Variants in PLEKHG4 observed in about 807,000 individuals in gnomAD.
The protein encoded by PLEKHG4 is pleckstrin homology and RhoGEF domain containing G4.
Under a neutral mutation model 136.9 loss-of-function variants are expected in PLEKHG4, and 85 were observed. The observed-to-expected ratio is 0.62, with a 90% CI of 0.52 to 0.74. PLEKHG4 has a LOEUF of 0.74. Among genes scored for constraint, PLEKHG4 ranks in the 30% least tolerant of loss-of-function variants. The probability of loss-of-function intolerance (pLI) is 0.00; values close to 1 mark genes in which losing one functional copy is unlikely to be tolerated. For synonymous variants in PLEKHG4, 577 were observed against 646.9 expected (o/e 0.89, Z 1.64); for missense variants, 1,317 against 1,527.8 (o/e 0.86, Z 2.30).
intron 8 of PLEKHG4, 44 bp from the exon 9 acceptor site, chr16:67,282,157 T>C (rs1357603792): frequency 6.3e-7 from 1 of 1,596,308 alleles, no homozygotes; most frequent in African/African-American, 1.3e-5. Flanking sequence ...TCTCCCTCCT[T>C]CTCTCCCATG....
rs761837479 is a variant in PLEKHG4 at position 67,288,144 on chromosome 16, A to C, written c.3221-23A>C. ...CCAGGCTAGGCTCTGGCCTGTCCCA[A>C]CCTGACCCTCTCTCTTATGCAGAAG... On this transcript the variant is annotated intron_variant, in intron 19 of 21. Coordinates refer to ENST00000379344, the MANE Select transcript of PLEKHG4 (RefSeq NM_001129729.3). The C allele has an allele frequency of 5.6e-6, 9 of 1,606,252 alleles. No individual in the cohort carries two copies. The East Asian group carries it at 2.0e-4, about 36-fold the overall frequency.
chr16:67,277,647 T>C (rs1465981511), upstream of PLEKHG4: 1 of 152,420 alleles, frequency 6.6e-6, no homozygotes. Flanking sequence ...CTGTCTCCTT[T>C]CAGGCTGAGT....
At position 67,280,528 on chromosome 16, in the gene PLEKHG4, A is replaced by G. The variant is rs1479281325; in HGVS notation, c.484A>G (p.Lys162Glu). Residue 162 changes from lysine to glutamate, a missense_variant, in exon 2 of 22, where the codon AAG becomes GAG. Physicochemically the swap from Lys to Glu is moderately conservative, Grantham distance 56. Transcript: ENST00000379344. The surrounding 1 kb of genome is among the most constrained non-coding windows in gnomAD (Gnocchi z 4.4). ...GLGDPLSEIS[K>E]LLEAAPSGSG... ...TGGAGACCCTTTATCAGAAATATCAAAGCTGCTGGAGGCAGGTAAGGAAGG... is the reference window on the plus strand; with the variant it reads ...TGGAGACCCTTTATCAGAAATATCAGAGCTGCTGGAGGCAGGTAAGGAAGG... The G allele has an allele frequency of 7.4e-6, 12 of 1,612,678 alleles. No individual in the cohort carries two copies. Among genetic ancestry groups the G allele is most frequent in the Non-Finnish European group, 1.0e-5 (12 of 1,179,652 alleles).
intron 9 of PLEKHG4, 40 bp downstream of exon 9, chr16:67,282,389 C>T (rs762926473): frequency 6.2e-7 from 1 of 1,611,760 alleles, no homozygotes; most frequent in East Asian, 2.2e-5. Context: ...CCCCAGCCCA[C>T]CATATTCTAT....
rs1374396541 is a variant in PLEKHG4, at chr16:67,284,955, T to G, written c.1935T>G (p.Ala645=). The G allele has an allele frequency of 6.2e-7, 1 of 1,613,056 alleles. No individual in the cohort carries two copies. Among genetic ancestry groups the G allele is most frequent in the Admixed American group, 1.7e-5 (1 of 60,016 alleles). ...TGGCCCTGGACCAAAAGCTTGAGGC[T>G]TCACTGAAGCTACCACCGGTGGGCA... ...TWLALDQKLE[A]SLKLPPVGST... Residue 645 remains alanine, a synonymous_variant, in exon 13 of 22, where the codon GCT becomes GCG. Coordinates refer to ENST00000379344, the MANE Select transcript of PLEKHG4 (RefSeq NM_001129729.3). The surrounding 1 kb of genome is among the most constrained non-coding windows in gnomAD (Gnocchi z 4.4).
rs551905408 is a variant in PLEKHG4, at chr16:67,284,740, C to T, written c.1720C>T (p.Arg574Ter). 7 of 1,613,736 alleles carry T rather than the reference C, an allele frequency of 4.3e-6. No homozygotes were observed. The highest frequency in any genetic ancestry group is 2.7e-5 in the African/African-American group (2 of 74,918). ...CTTGACGTGGGCTGAGGAGGGGCAG[C>T]GAGTGTTGGCAGAGCTGGAGCAGGA... ...EALTWAEEGQ[R>*]VLAELEQERP... The change falls in exon 13 of 22, where the codon CGA (arginine) becomes TGA (stop). Residue 574 changes from arginine (R) to a stop codon, truncating the protein, a stop_gained. Coordinates refer to ENST00000379344, the MANE Select transcript of PLEKHG4 (RefSeq NM_001129729.3). LOFTEE classifies it high-confidence loss of function. The surrounding 1 kb of genome is among the most constrained non-coding windows in gnomAD (Gnocchi z 4.4).
In PLEKHG4 at chr16:67,284,859, C is replaced by T; in HGVS notation, c.1839C>T (p.Ala613=). 1 of 1,613,070 alleles carries T rather than the reference C, an allele frequency of 6.2e-7. No individual in the cohort carries two copies. Among genetic ancestry groups the T allele is most frequent in the Non-Finnish European group, 8.5e-7 (1 of 1,179,754 alleles). The change falls in exon 13 of 22, where the codon GCC becomes GCT. Residue 613 remains alanine (A), a synonymous_variant. Transcript: ENST00000379344. The surrounding 1 kb of genome is among the most constrained non-coding windows in gnomAD (Gnocchi z 4.4). ...ACTTCCGAAAGATGTGGGCTCTGGC[C>T]ACGGGGCTGGGCTCAGAGGCCATCC... ...PAHFRKMWAL[A]TGLGSEAIRQ... is the part of the protein sequence containing the mutation.
At chr16:67,281,514 C>T in intron 5 of PLEKHG4, 53 bp from the exon 6 acceptor site, 1 of 1,489,386 alleles carries the variant, frequency 6.7e-7, no homozygotes, top group Non-Finnish European at 9.4e-7. Context: ...GCGTGAGCCA[C>T]CATGCCCTTT....
At position 67,284,992 on chromosome 16, in the gene PLEKHG4, C is replaced by CTG; in HGVS notation, c.1978_1979dup (p.Gln662AlafsTer12). ...ACCACCGGTGGGCAGCACAGCTAGC[C>CTG]TGTGTGTCAGCCAGGTCCCCGCTGC... On this transcript the variant is annotated frameshift_variant, in exon 13 of 22. Coordinates refer to ENST00000379344, the MANE Select transcript of PLEKHG4 (RefSeq NM_001129729.3). LOFTEE classifies it high-confidence loss of function. This position sits in a 1 kb window ranked among gnomAD's most constrained non-coding sequence, Gnocchi z 4.4. The CTG allele has an allele frequency of 3.7e-6, 6 of 1,613,496 alleles. No homozygotes were observed. Among genetic ancestry groups the CTG allele is most frequent in the Non-Finnish European group, 5.1e-6 (6 of 1,179,964 alleles).
Position 67,282,640 on chromosome 16 carries a change from A to G in PLEKHG4, c.1391A>G (p.Gln464Arg). Reference protein sequence around the residue: ...TLEARESGLHQIEVWLQQVGW... With the variant: ...TLEARESGLHRIEVWLQQVGW... ...GAGGCCCGGGAAAGCGGACTGCACC[A>G]GGTCGGAACTACTTGCCCAGAGTGG... Residue 464 changes from glutamine (Q) to arginine (R), a missense_variant and splice_region_variant, in exon 10 of 22, where the codon CAG becomes CGG. Gln to Arg is a conservative substitution (Grantham distance 43). Transcript: ENST00000379344. The G allele has an allele frequency of 4.3e-6, 7 of 1,613,878 alleles. No individual in the cohort carries two copies. Among genetic ancestry groups the G allele is most frequent in the Non-Finnish European group, 5.9e-6 (7 of 1,180,046 alleles).
rs773998147 is a variant in PLEKHG4 at position 67,280,712 on chromosome 16, C to A, written c.501C>A (p.Ala167=). Residue 167 remains alanine, a splice_region_variant and synonymous_variant, in exon 3 of 22, where the codon GCC becomes GCA. Coordinates refer to ENST00000379344, the MANE Select transcript of PLEKHG4 (RefSeq NM_001129729.3). This position sits in a 1 kb window ranked among gnomAD's most constrained non-coding sequence, Gnocchi z 4.4. The part of the protein sequence containing the change: ...LSEISKLLEA[A]PSGSGLPKPA... ...ACCCAAGTCATTTCCCTTCCCAAGCCCCCAGTGGATCCGGCCTCCCTAAGC... is the reference window on the plus strand; with the variant it reads ...ACCCAAGTCATTTCCCTTCCCAAGCACCCAGTGGATCCGGCCTCCCTAAGC... The A allele has an allele frequency of 1.1e-5, 17 of 1,613,978 alleles. No homozygotes were observed. The highest frequency in any genetic ancestry group is 1.4e-5 in the Non-Finnish European group (16 of 1,180,026).
rs1473620104 is a variant in PLEKHG4 at position 67,280,359 on chromosome 16, C to T, written c.315C>T (p.Leu105=). The T allele has an allele frequency of 6.2e-7, 1 of 1,613,454 alleles. No individual in the cohort carries two copies. Among genetic ancestry groups the T allele is most frequent in the South Asian group, 1.1e-5 (1 of 91,064 alleles). The change falls in exon 2 of 22, where the codon CTC becomes CTT. Residue 105 remains leucine, a synonymous_variant. Coordinates refer to ENST00000379344, the MANE Select transcript of PLEKHG4 (RefSeq NM_001129729.3). This position sits in a 1 kb window ranked among gnomAD's most constrained non-coding sequence, Gnocchi z 4.4. ...CAGGCCCCTCTGGAGTGGAGAGTCT[C>T]CTATGCCCCATGTCCTCCCACCTCA... ...EGPGPSGVES[L]LCPMSSHLSL...
At chr16:67,278,764 G>A (rs1196682582), upstream of PLEKHG4, 1 of 152,196 alleles carries the variant, frequency 6.6e-6, no homozygotes, top group Non-Finnish European at 1.5e-5. Context: ...GGCTCAAAGA[G>A]CAGAGTTCCT....
chr16:67,280,539 G>A lies in PLEKHG4; in HGVS notation c.495G>A (p.Glu165=). The change falls in exon 2 of 22, where the codon GAG becomes GAA. Residue 165 remains glutamate, a synonymous_variant. Coordinates refer to ENST00000379344, the MANE Select transcript of PLEKHG4 (RefSeq NM_001129729.3). This position sits in a 1 kb window ranked among gnomAD's most constrained non-coding sequence, Gnocchi z 4.4. ...TATCAGAAATATCAAAGCTGCTGGA[G>A]GCAGGTAAGGAAGGCTGGGCTAGGG... ...DPLSEISKLL[E]AAPSGSGLPK... is the part of the protein sequence containing the mutation. 1 of 1,613,056 alleles carries A rather than the reference G, an allele frequency of 6.2e-7. No individual in the cohort carries two copies. The highest frequency in any genetic ancestry group is 1.1e-5 in the South Asian group (1 of 91,054).
chr16:67,287,921 T>A lies in PLEKHG4; in HGVS notation c.3127T>A (p.Ser1043Thr). 3 of 1,613,278 alleles carry A rather than the reference T, an allele frequency of 1.9e-6. No individual in the cohort carries two copies. The highest frequency in any genetic ancestry group is 2.5e-6 in the Non-Finnish European group (3 of 1,179,244). ...NKEVRMAEMV[S>T]MGVGNKAFRD... Reference sequence around the variant, plus strand: ...AGAGGTGCGCATGGCTGAGATGGTGTCCATGGGTGTGGGGAACAAGGCCTT... The same window carrying A: ...AGAGGTGCGCATGGCTGAGATGGTGACCATGGGTGTGGGGAACAAGGCCTT... Residue 1043 changes from serine to threonine, a missense_variant, in exon 19 of 22, where the codon TCC becomes ACC. Coordinates refer to ENST00000379344, the MANE Select transcript of PLEKHG4 (RefSeq NM_001129729.3).
At chr16:67,286,213 C>A in intron 14 of PLEKHG4, 61 bp from the exon 15 acceptor site, 1 of 1,249,640 alleles carries the variant, frequency 8.0e-7, no homozygotes, top group African/African-American at 1.5e-5. Flanking sequence ...GGTGGTCTAG[C>A]CTGTGCCAGC....
At position 67,279,974 on chromosome 16, in the gene PLEKHG4, T is replaced by A; in HGVS notation, c.-71T>A. 1 of 1,511,784 alleles carries A rather than the reference T, an allele frequency of 6.6e-7. No homozygotes were observed. Among genetic ancestry groups the A allele is most frequent in the Non-Finnish European group, 9.0e-7 (1 of 1,109,798 alleles). The allele number at this position is 1,511,784 out of a possible 1,614,324, so 93.6% of individuals were successfully genotyped here. On this transcript the variant is annotated 5_prime_UTR_variant, in exon 2 of 22. Transcript: ENST00000379344. ...CCCACTGAGTCCCACTCGACTGTCT[T>A]CAGCGCGGTTCACACTGAGACCCAG...
chr16:67,281,909 C>A, intron 7 of PLEKHG4, 72 bp downstream of exon 7: 1 of 1,542,628 alleles, frequency 6.5e-7, no homozygotes, highest in Non-Finnish European at 8.9e-7. Flanking sequence ...CTCTCTGGGG[C>A]TGGCTTGAAC....
intron 7 of PLEKHG4, 46 bp from the exon 8 acceptor site, chr16:67,281,963 G>T: frequency 1.3e-6 from 2 of 1,575,098 alleles, no homozygotes; most frequent in South Asian, 2.2e-5. Context: ...GGAAGCCCAG[G>T]ACCAACACTG....
Sources: allele counts gnomAD v4.1 joint callset, GRCh38; gene constraint gnomAD v4.1.1; non-coding constraint Gnocchi (gnomAD v3.1); transcripts MANE v1.5; gene names NCBI Gene and HGNC (gene_info 2026-07-23, HGNC 2026-07-21).